The following NIN variants were observed in gnomAD, a reference collection of about 807,000 sequenced individuals.
The protein encoded by NIN is glycogen synthase kinase 3 beta-interacting protein.
A neutral mutation model predicts 257.6 loss-of-function variants in NIN; 137 were observed. The observed-to-expected ratio is 0.53, with a 90% CI of 0.46 to 0.61. The LOEUF (loss-of-function observed/expected upper bound fraction) is 0.61. NIN is among the 20% of genes least tolerant of loss of function. The pLI, the probability that NIN is intolerant of heterozygous loss-of-function variation, is 0.00. For missense variants in NIN, 2,439 were observed against 2,501.2 expected, an observed-to-expected ratio of 0.98 and a Z score of 0.53; for synonymous variants, 918 against 919.8, an observed-to-expected ratio of 1.00 and a Z score of 0.04.
intron 24 of NIN, 51 bp from the exon 25 acceptor site, chr14:50,741,779 C>T (rs1352005794): frequency 6.3e-7 from 1 of 1,578,030 alleles, no homozygotes; most frequent in African/African-American, 1.4e-5. Flanking sequence ...TGTGGTCTCA[C>T]CTCTAGCATG....
intron 2 of NIN, among the ~76,000 whole-genome samples, chr14:50,828,165 A>G (rs1048114195): frequency 6.6e-6 from 1 of 151,928 alleles, no homozygotes; most frequent in South Asian, 2.1e-4. Context: ...ATTGACTCAC[A>G]TTAATTTAGG....
intron 12 of NIN, among the ~76,000 whole-genome samples, chr14:50,767,957 T>C (rs1339440351): frequency 6.6e-6 from 1 of 152,062 alleles, no homozygotes; most frequent in Non-Finnish European, 1.5e-5. Flanking sequence ...TATATGTTTA[T>C]ATTATAATAA....
chr14:50,723,154 C>A lies in NIN; in HGVS notation c.*309G>T. The A allele has an allele frequency of 3.8e-6, 1 of 262,764 alleles. No individual in the cohort carries two copies. The highest frequency in any genetic ancestry group is 7.1e-6 in the Non-Finnish European group (1 of 140,212). 16.3% of individuals were successfully genotyped at this position (262,764 alleles called of 1,614,324 possible). On this transcript the variant is annotated 3_prime_UTR_variant, in exon 31 of 31. Coordinates refer to ENST00000530997, the MANE Select transcript of NIN (RefSeq NM_020921.4). ...GATTTGTAATAATTAAAAAAAAAAC[C>A]AAAACCACAAAAACTCATTCAAAAC...
intron 28 of NIN, among the ~76,000 whole-genome samples, chr14:50,734,671 C>A (rs566366837): frequency 6.6e-6 from 1 of 152,070 alleles, no homozygotes; most frequent in South Asian, 2.1e-4. Flanking sequence ...TTTTACAAAT[C>A]CATTTTTTTT....
chr14:50,792,520 C>T (rs1470681844), intron 5 of NIN, 192 bp downstream of exon 5: 10 of 606,438 alleles, frequency 1.6e-5, no homozygotes, highest in South Asian at 8.6e-5. Context: ...AAAGCTGAAA[C>T]GAGGTAAAAA....
Position 50,743,472 on chromosome 14 carries a change from A to C in NIN, c.5245T>G (p.Ser1749Ala). The change falls in exon 24 of 31, where the codon TCC becomes GCC. Residue 1749 changes from serine to alanine, a missense_variant. Around this residue, in one of 3 missense-constraint regions of NIN, gnomAD observed 2,043 missense variants for 2,050.2 expected, o/e 1.00. Transcript: ENST00000530997. Reference protein sequence around the residue: ...RIATMKQEQKSWEHQSASLKS... With the variant: ...RIATMKQEQKAWEHQSASLKS... The stretch of plus-strand genomic sequence containing the variant: ...AAGCTCGCACTCTGATGTTCCCAGG[A>C]TTTCTGTTCCTGCTTCATCGTCGCA... 1 of 1,613,906 alleles carries C rather than the reference A, an allele frequency of 6.2e-7. No individual in the cohort carries two copies. Among genetic ancestry groups the C allele is most frequent in the South Asian group, 1.1e-5 (1 of 91,084 alleles).
At chr14:50,825,469 G>A (rs57249422) in intron 2 of NIN, among the ~76,000 whole-genome samples, 2,884 of 152,268 alleles carry the variant, frequency 0.019, 101 homozygotes, top group African/African-American at 0.066. Flanking sequence ...CTATGAGTCT[G>A]GCCTAAACTA....
intron 2 of NIN, among the ~76,000 whole-genome samples, chr14:50,828,887 G>A (rs2045578585): frequency 6.6e-6 from 1 of 152,078 alleles, no homozygotes; most frequent in Non-Finnish European, 1.5e-5. Context: ...CATCTAAAAT[G>A]AAAAAGAAAT....
chr14:50,806,542 T>C (rs1382474641), intron 4 of NIN, 195 bp downstream of exon 4: 9 of 487,466 alleles, frequency 1.8e-5, no homozygotes, highest in South Asian at 1.1e-4. Context: ...GCTGCTGTAG[T>C]AGAGAAGTCT....
chr14:50,760,666 G>A (rs561233308), intron 16 of NIN, among the ~76,000 whole-genome samples: 13 of 152,000 alleles, frequency 8.6e-5, no homozygotes, highest in Non-Finnish European at 1.9e-4. Context: ...CTGTAAACTT[G>A]AGTCTTGGAA....
At chr14:50,760,455 T>C in intron 16 of NIN, 96 bp from the exon 17 acceptor site, 1 of 1,221,676 alleles carries the variant, frequency 8.2e-7, no homozygotes, top group Non-Finnish European at 1.1e-6. Flanking sequence ...TTTTTTTTTT[T>C]TTTCCCTACA....
At chr14:50,809,312 G>C (rs1050698394) in intron 3 of NIN, among the ~76,000 whole-genome samples, 2 of 152,154 alleles carry the variant, frequency 1.3e-5, no homozygotes. Context: ...GAGTGGTGGG[G>C]GCGGCGGCAG....
chr14:50,748,126 T>C (rs780620984), intron 21 of NIN, 21 bp from the exon 22 acceptor site: 1 of 1,516,790 alleles, frequency 6.6e-7, no homozygotes. Context: ...AATGAAAAAG[T>C]CAAATAACAG....
At chr14:50,728,448 A>G (rs1451608741) in intron 29 of NIN, among the ~76,000 whole-genome samples, 3 of 152,228 alleles carry the variant, frequency 2.0e-5, no homozygotes, top group Non-Finnish European at 4.4e-5. Flanking sequence ...AGAACTGACA[A>G]GTGGTAGGAG....
At chr14:50,744,486 G>T in intron 22 of NIN, 121 bp from the exon 23 acceptor site, 1 of 1,012,322 alleles carries the variant, frequency 9.9e-7, no homozygotes, top group Non-Finnish European at 1.5e-6. Flanking sequence ...ATATTTCAGA[G>T]GACATAAACT....
intron 3 of NIN, among the ~76,000 whole-genome samples, chr14:50,813,144 C>A (rs1053246126): frequency 1.3e-5 from 2 of 152,204 alleles, no homozygotes; most frequent in African/African-American, 4.8e-5. Flanking sequence ...TTGATGAACA[C>A]CCCCACCGGT....
chr14:50,783,892 G>A (rs996508625), intron 5 of NIN, among the ~76,000 whole-genome samples: 60 of 152,264 alleles, frequency 3.9e-4, no homozygotes, highest in African/African-American at 1.4e-3. Flanking sequence ...CAGGTGGCCT[G>A]TAGACACAGA....
At chr14:50,759,368 T>C (rs143383757) in intron 17 of NIN, among the ~76,000 whole-genome samples, 81 of 152,170 alleles carry the variant, frequency 5.3e-4, no homozygotes, top group African/African-American at 1.9e-3. Context: ...TAAAAACAGT[T>C]CCAATCATCC....
chr14:50,761,699 C>T, intron 16 of NIN, 91 bp downstream of exon 16: 2 of 1,463,070 alleles, frequency 1.4e-6, no homozygotes, highest in Non-Finnish European at 1.9e-6. Flanking sequence ...ATGTGCTGCT[C>T]TATGAGAAAA....
Sources: allele counts gnomAD v4.1 joint callset (sites outside exome capture counted in the v4.1 genomes callset), GRCh38; gene constraint gnomAD v4.1.1; regional missense constraint gnomAD v4.1.1; transcripts MANE v1.5; gene names NCBI Gene and HGNC (gene_info 2026-07-23, HGNC 2026-07-21).